Variants in ADAMTS2 observed in about 807,000 individuals in gnomAD.
ADAMTS2 encodes A disintegrin and metalloproteinase with thrombospondin motifs 2.
A neutral mutation model predicts 123.0 loss-of-function variants in ADAMTS2; 50 were observed. That is an observed-to-expected ratio of 0.41 (90% CI 0.32 to 0.51). The LOEUF is 0.51. Among genes scored for constraint, ADAMTS2 ranks in the 20% least tolerant of loss-of-function variants. The pLI, the probability that ADAMTS2 is intolerant of heterozygous loss-of-function variation, is 0.35. For missense variants in ADAMTS2, 1,494 were observed against 1,705.2 expected (o/e 0.88, Z 2.18); for synonymous variants, 678 against 695.4 (o/e 0.98, Z 0.39).
intron 13 of ADAMTS2, among the ~76,000 whole-genome samples, chr5:179,135,664 A>G (rs1763054107): frequency 6.6e-6 from 1 of 152,068 alleles, no homozygotes; most frequent in African/African-American, 2.4e-5. Context: ...CTGTGGAATC[A>G]GGACGTCTGA....
intron 20 of ADAMTS2, among the ~76,000 whole-genome samples, chr5:179,122,203 C>T (rs944596386): frequency 2.0e-5 from 3 of 152,194 alleles, no homozygotes; most frequent in Non-Finnish European, 4.4e-5. Flanking sequence ...GTGGCAGGCA[C>T]GGTCCAGTCT....
intron 2 of ADAMTS2, among the ~76,000 whole-genome samples, chr5:179,286,748 A>G (rs1283338781): frequency 2.6e-5 from 4 of 152,202 alleles, no homozygotes; most frequent in Non-Finnish European, 5.9e-5. Context: ...CTTGAATAGC[A>G]GAACCTATTC....
At chr5:179,276,738 C>A (rs1367608450) in intron 2 of ADAMTS2, among the ~76,000 whole-genome samples, 2 of 152,346 alleles carry the variant, frequency 1.3e-5, no homozygotes, top group African/African-American at 4.8e-5. Flanking sequence ...GGTCCCTGGG[C>A]CAGACTGGGC....
Position 179,157,059 on chromosome 5 carries a change from G to A in ADAMTS2, c.1132+1664C>T, listed in dbSNP as rs184136220. Among the ~76,000 whole-genome samples, 11 of 151,048 alleles carry A rather than the reference G, an allele frequency of 7.3e-5. No individual in the cohort carries two copies. The East Asian group carries it at 2.1e-3, about 29-fold the overall frequency. On this transcript the variant is annotated intron_variant, in intron 6 of 21. Transcript: ENST00000251582. ...GCTCACTGCAACCTCTGCCTCCGGG[G>A]TTCTAGTGATTTTCCTGCCTCAGCC...
chr5:179,325,806 G>A (rs952149743), intron 2 of ADAMTS2, among the ~76,000 whole-genome samples: 1 of 152,244 alleles, frequency 6.6e-6, no homozygotes, highest in Non-Finnish European at 1.5e-5. Context: ...CTTCTGCCCC[G>A]GTTTTCTGTC....
At chr5:179,273,720 CTCTG>C (rs1346416329) in intron 2 of ADAMTS2, among the ~76,000 whole-genome samples, 2 of 152,118 alleles carry the variant, frequency 1.3e-5, no homozygotes. Context: ...CTCTCCTGCT[CTCTG>C]TGTCAGCCAC....
rs9885257 is a variant in ADAMTS2 at position 179,245,791 on chromosome 5, A to C, written c.688+27120T>G. Among the ~76,000 whole-genome samples the C allele has an allele frequency of 4.2e-3, 358 of 85,610 alleles. 16 individuals carry two copies. The highest frequency in any genetic ancestry group is 8.0e-3 in the Non-Finnish European group (273 of 34,094). The allele number at this position is 85,610 out of a possible 152,430, so 56.2% of individuals were successfully genotyped here. ...AAAAAAAAAAAAAAAAAAAAAAAAA[A>C]AAAACAAAAAAAACAAAGATGGGGG... On this transcript the variant is annotated intron_variant, in intron 3 of 21. Transcript: ENST00000251582.
chr5:179,300,809 C>A (rs944623188), intron 2 of ADAMTS2, among the ~76,000 whole-genome samples: 4 of 152,212 alleles, frequency 2.6e-5, no homozygotes, highest in Non-Finnish European at 5.9e-5. Context: ...TTCATACATA[C>A]AACTTAATTC....
intron 2 of ADAMTS2, among the ~76,000 whole-genome samples, chr5:179,336,126 T>C (rs1479369212): frequency 6.6e-6 from 1 of 152,210 alleles, no homozygotes; most frequent in African/African-American, 2.4e-5. Context: ...CATCTTTCCA[T>C]TTCCCAACCC....
chr5:179,123,292 G>A (rs546957943), intron 19 of ADAMTS2, among the ~76,000 whole-genome samples: 4 of 152,352 alleles, frequency 2.6e-5, no homozygotes, highest in Non-Finnish European at 2.9e-5. Context: ...GAGCAGTCAC[G>A]CCCAGCCTTG....
At chr5:179,150,375 T>C (rs1022375029) in intron 10 of ADAMTS2, among the ~76,000 whole-genome samples, 13 of 152,214 alleles carry the variant, frequency 8.5e-5, no homozygotes, top group Non-Finnish European at 1.5e-5. Context: ...CCCAGCAACT[T>C]ACCAACAACT....
At chr5:179,217,399 G>A (rs1017203334) in intron 3 of ADAMTS2, among the ~76,000 whole-genome samples, 1 of 152,238 alleles carries the variant, frequency 6.6e-6, no homozygotes, top group African/African-American at 2.4e-5. Flanking sequence ...CACTGCAGGA[G>A]AAAATCAGAA....
chr5:179,137,670 C>T, intron 12 of ADAMTS2, 99 bp downstream of exon 12: 3 of 1,478,450 alleles, frequency 2.0e-6, no homozygotes, highest in Admixed American at 4.0e-5. Context: ...AGGGTCGCGG[C>T]AGCCTTGCCC....
intron 2 of ADAMTS2, among the ~76,000 whole-genome samples, chr5:179,280,786 TCCCCTCGA>T (rs1417309058): frequency 2.0e-5 from 3 of 152,148 alleles, no homozygotes; most frequent in African/African-American, 7.2e-5. Context: ...AAACTGAGAC[TCCCCTCGA>T]CTCAACCAGA....
intron 2 of ADAMTS2, among the ~76,000 whole-genome samples, chr5:179,340,685 G>A (rs980437813): frequency 6.6e-6 from 1 of 152,178 alleles, no homozygotes; most frequent in African/African-American, 2.4e-5. Context: ...ATGATGTCGG[G>A]ATATGTTCCG....
At chr5:179,200,700 A>T (rs979044897) in intron 4 of ADAMTS2, among the ~76,000 whole-genome samples, 1 of 152,204 alleles carries the variant, frequency 6.6e-6, no homozygotes, top group African/African-American at 2.4e-5. Context: ...GGAGGGCAGG[A>T]GGCATCAAAC....
intron 3 of ADAMTS2, among the ~76,000 whole-genome samples, chr5:179,216,114 G>C (rs757467195): frequency 6.6e-6 from 1 of 152,230 alleles, no homozygotes; most frequent in South Asian, 2.1e-4. Context: ...AACACAGATA[G>C]AGAAAACGGG....
rs567983788 is a variant in ADAMTS2 at position 179,280,560 on chromosome 5, A to G, written c.535-7496T>C. Reference sequence around the variant, plus strand: ...CCAAGGAGAAAGAACCAAACCAAAAACCAGAAACCCACTCCTGTAAAATAA... The same window carrying G: ...CCAAGGAGAAAGAACCAAACCAAAAGCCAGAAACCCACTCCTGTAAAATAA... On this transcript the variant is annotated intron_variant, in intron 2 of 21. Coordinates refer to ENST00000251582, the MANE Select transcript of ADAMTS2 (RefSeq NM_014244.5). Among the ~76,000 whole-genome samples, 9 of 152,234 alleles carry G rather than the reference A, an allele frequency of 5.9e-5. No individual in the cohort carries two copies. The South Asian group carries it at 8.3e-4, about 14-fold the overall frequency.
intron 3 of ADAMTS2, among the ~76,000 whole-genome samples, chr5:179,208,295 C>T (rs1244874668): frequency 6.6e-5 from 10 of 152,218 alleles, no homozygotes. Flanking sequence ...TGCATGTTCC[C>T]CAGTGTCTCC....
Sources: allele counts gnomAD v4.1 joint callset (sites outside exome capture counted in the v4.1 genomes callset), GRCh38; gene constraint gnomAD v4.1.1; transcripts MANE v1.5; gene names NCBI Gene and HGNC (gene_info 2026-07-23, HGNC 2026-07-21).